RC3H1: variants seen among roughly 807,000 people sequenced by gnomAD.
RC3H1 encodes the protein roquin-1.
Under a neutral mutation model 138.2 loss-of-function variants are expected in RC3H1, and 50 were observed. The ratio of observed to expected loss-of-function variants is 0.36; its 90% CI spans 0.29 to 0.46. The LOEUF (loss-of-function observed/expected upper bound fraction) is 0.46, where lower values mean the gene tolerates loss of function less well. Among genes scored for constraint, RC3H1 ranks in the 20% least tolerant of loss-of-function variants. The pLI is 1.00. For missense variants in RC3H1, 1,031 were observed against 1,388.1 expected, an observed-to-expected ratio of 0.74 and a Z score of 4.09; for synonymous variants, 462 against 489.1, an observed-to-expected ratio of 0.94 and a Z score of 0.73.
Position 173,937,582 on chromosome 1 carries a change from G to A in RC3H1, c.*1139C>T, listed in dbSNP as rs1217931309. ...GAAGAAACATTTGCAACATTGGACA[G>A]TTAAGTCTATGAAAAATGACTTCAA... is the stretch of plus-strand genomic sequence containing the variant. On this transcript the variant is annotated 3_prime_UTR_variant, in exon 20 of 20. Transcript: ENST00000367696. 1 of 151,328 alleles carries A rather than the reference G, an allele frequency of 6.6e-6. No individual in the cohort carries two copies. The highest frequency in any genetic ancestry group is 1.5e-5 in the Non-Finnish European group (1 of 67,918). 9.4% of individuals were successfully genotyped at this position (151,328 alleles called of 1,614,324 possible).
chr1:173,967,176 C>T (rs1660156700), intron 9 of RC3H1, among the ~76,000 whole-genome samples: 1 of 152,070 alleles, frequency 6.6e-6, no homozygotes. Flanking sequence ...CAAAAATTAG[C>T]TGGGCATGGT....
chr1:174,016,422 C>CTTTT (rs1189625122), intron 1 of RC3H1, among the ~76,000 whole-genome samples: 4 of 118,246 alleles, frequency 3.4e-5, no homozygotes, highest in African/African-American at 1.0e-4. Flanking sequence ...TTTAAGTTTC[C>CTTTT]TTTTTTTTTT....
Position 173,986,542 on chromosome 1 carries a change from TCTCC to T in RC3H1, c.232-1927_232-1924del, listed in dbSNP as rs376255558. ...CCATCCACCCACCTTGGCCTCCCTC[TCTCC>T]CTCCATGTCTCTCCCTCTTTTTTTT... On this transcript the variant is annotated intron_variant, in intron 2 of 19. Coordinates refer to ENST00000367696, the MANE Select transcript of RC3H1 (RefSeq NM_172071.4). 2.5e-3 allele frequency among the ~76,000 whole-genome samples: 379 copies of T among 151,214 alleles called. 2 individuals are homozygous for T. Among genetic ancestry groups the T allele is most frequent in the African/African-American group, 8.4e-3 (346 of 41,224 alleles).
At chr1:174,015,134 G>T (rs1246988088) in intron 1 of RC3H1, among the ~76,000 whole-genome samples, 1 of 151,944 alleles carries the variant, frequency 6.6e-6, no homozygotes, top group African/African-American at 2.4e-5. Context: ...AATCTGCTGT[G>T]GGACGAGAAA....
intron 1 of RC3H1, among the ~76,000 whole-genome samples, chr1:174,000,475 G>GT (rs1246709815): frequency 2.6e-5 from 4 of 152,156 alleles, no homozygotes; most frequent in African/African-American, 7.2e-5. Context: ...GCGGCATTAA[G>GT]TAACGGCCCC....
intron 14 of RC3H1, among the ~76,000 whole-genome samples, chr1:173,949,875 TATAA>T (rs766446767): frequency 6.6e-6 from 1 of 152,090 alleles, no homozygotes; most frequent in Non-Finnish European, 1.5e-5. Context: ...GAGCTACAGA[TATAA>T]ATACAGACTG....
intron 13 of RC3H1, among the ~76,000 whole-genome samples, chr1:173,952,363 T>G (rs1266291943): frequency 1.7e-5 from 2 of 119,700 alleles, no homozygotes; most frequent in African/African-American, 3.5e-5. Flanking sequence ...AGCTTTCAGG[T>G]TTTTTTTTTT....
intron 14 of RC3H1, among the ~76,000 whole-genome samples, chr1:173,948,501 A>G (rs1276513227): frequency 6.6e-6 from 1 of 152,130 alleles, no homozygotes; most frequent in Non-Finnish European, 1.5e-5. Context: ...ATATAGACAC[A>G]CAAATATATA....
chr1:173,938,528 A>G lies in RC3H1; in HGVS notation c.*193T>C. ...TGCTAATTTTCTTTTTCTTTAAATT[A>G]AAAAAATGCATTAATGTGAACTATG... On this transcript the variant is annotated 3_prime_UTR_variant, in exon 20 of 20. Transcript: ENST00000367696. 2.5e-6 allele frequency: 1 copy of G among 397,696 alleles called. No individual in the cohort carries two copies. The highest frequency in any genetic ancestry group is 4.5e-6 in the Non-Finnish European group (1 of 224,274). The allele number at this position is 397,696 out of a possible 1,614,324, so 24.6% of individuals were successfully genotyped here.
At chr1:173,957,540 C>T (rs764508022) in intron 13 of RC3H1, among the ~76,000 whole-genome samples, 2 of 152,018 alleles carry the variant, frequency 1.3e-5, no homozygotes, top group Non-Finnish European at 2.9e-5. Flanking sequence ...AAAAATATCA[C>T]ACCTGTTTTC....
intron 1 of RC3H1, among the ~76,000 whole-genome samples, chr1:174,008,655 C>T (rs575520948): frequency 3.3e-5 from 5 of 152,146 alleles, no homozygotes; most frequent in African/African-American, 7.2e-5. Flanking sequence ...TTATATAAAG[C>T]GGTTTGAAAC....
At chr1:174,007,322 G>A (rs1165205946) in intron 1 of RC3H1, among the ~76,000 whole-genome samples, 3 of 151,690 alleles carry the variant, frequency 2.0e-5, no homozygotes, top group Admixed American at 6.6e-5. Flanking sequence ...CCCGGGAGGC[G>A]GAGCTTGCAG....
chr1:173,956,147 A>G (rs1342620951), intron 13 of RC3H1, among the ~76,000 whole-genome samples: 1 of 140,802 alleles, frequency 7.1e-6, no homozygotes. Context: ...AAAAAAAAAG[A>G]AAAAAAAAAG....
intron 9 of RC3H1, 62 bp downstream of exon 9, chr1:173,970,443 T>C (rs1206136513): frequency 4.8e-6 from 5 of 1,033,268 alleles, no homozygotes; most frequent in Admixed American, 3.5e-5. Context: ...TCTGTATTTC[T>C]GTATGTCAGC....
Position 173,946,468 on chromosome 1 carries a change from G to A in RC3H1, c.2961+8C>T. On this transcript the variant is annotated splice_region_variant and intron_variant, in intron 17 of 19. Transcript: ENST00000367696. ...AAATTGGAATAAAATGGCTCTCTAG[G>A]CTGGTACCTCTAGTCCACGTAGCTG... The A allele has an allele frequency of 1.2e-6, 2 of 1,611,548 alleles. No homozygotes were observed. The highest frequency in any genetic ancestry group is 1.7e-6 in the Non-Finnish European group (2 of 1,179,268).
chr1:173,964,781 T>C lies in RC3H1; in HGVS notation c.1616+58A>G. ...TAAATCCCAAACATTAATTATTCTA[T>C]CTTCCTTCGACTTTATGAAGAAGAA... is the stretch of plus-strand genomic sequence containing the variant. On this transcript the variant is annotated intron_variant, in intron 10 of 19. Transcript: ENST00000367696. 2.1e-6 allele frequency: 3 copies of C among 1,397,292 alleles called. No homozygotes were observed. In the South Asian group the frequency reaches 4.0e-5, roughly 19 times the overall value. The allele number at this position is 1,397,292 out of a possible 1,614,324, so 86.6% of individuals were successfully genotyped here.
chr1:173,989,758 C>G (rs1258807763), intron 2 of RC3H1, among the ~76,000 whole-genome samples: 1 of 116,260 alleles, frequency 8.6e-6, no homozygotes, highest in African/African-American at 3.3e-5. Context: ...CTCGCTCTGT[C>G]GCCCAGGCCG....
intron 6 of RC3H1, among the ~76,000 whole-genome samples, chr1:173,980,106 G>T (rs1571217316): frequency 6.9e-6 from 1 of 144,792 alleles, no homozygotes. Flanking sequence ...CTGAACTCCT[G>T]GCCTCAAGCA....
At chr1:174,012,784 CAAAAAA>C (rs11397475) in intron 1 of RC3H1, among the ~76,000 whole-genome samples, 1 of 112,780 alleles carries the variant, frequency 8.9e-6, no homozygotes, top group Non-Finnish European at 2.0e-5. Flanking sequence ...GACTCTGTCT[CAAAAAA>C]AAAAAAAGAA....
Sources: gnomAD v4.1 joint callset for allele counts (sites outside exome capture counted in the v4.1 genomes callset) on GRCh38, gnomAD v4.1.1 for gene constraint, MANE v1.5 for transcripts, NCBI Gene and HGNC (gene_info 2026-07-23, HGNC 2026-07-21) for gene names.